CHST11: variants seen among roughly 807,000 people sequenced by gnomAD.
The protein encoded by CHST11 is C4S-1.
Under a neutral mutation model 30.4 loss-of-function variants are expected in CHST11, and 9 were observed. That is an observed-to-expected ratio of 0.30 (90% CI 0.18 to 0.52). CHST11 has a LOEUF of 0.52. CHST11 is among the 20% of genes least tolerant of loss of function. The pLI is 0.97. For missense variants in CHST11, 348 were observed against 460.6 expected (o/e 0.76, Z 2.24); for synonymous variants, 152 against 187.8 (o/e 0.81, Z 1.56).
At chr12:104,517,492 C>T (rs1167768613) in intron 1 of CHST11, among the ~76,000 whole-genome samples, 1 of 152,162 alleles carries the variant, frequency 6.6e-6, no homozygotes, top group Non-Finnish European at 1.5e-5. Flanking sequence ...GAGCTTCTCA[C>T]ACTTAGATGC....
At chr12:104,510,742 C>T (rs1207303270) in intron 1 of CHST11, among the ~76,000 whole-genome samples, 1 of 152,112 alleles carries the variant, frequency 6.6e-6, no homozygotes, top group Non-Finnish European at 1.5e-5. Context: ...TTGAGATGCT[C>T]AGTTAATTTC....
chr12:104,646,519 G>C (rs553589834), intron 2 of CHST11, among the ~76,000 whole-genome samples: 3 of 152,194 alleles, frequency 2.0e-5, no homozygotes, highest in Admixed American at 2.0e-4. Flanking sequence ...GGATCACGAG[G>C]TCAAGAGATC....
intron 1 of CHST11, among the ~76,000 whole-genome samples, chr12:104,523,445 G>A (rs1038213965): frequency 1.3e-5 from 2 of 152,142 alleles, no homozygotes; most frequent in Admixed American, 6.5e-5. Context: ...GGCACTCAAC[G>A]TGTGGCCTCA....
intron 2 of CHST11, among the ~76,000 whole-genome samples, chr12:104,614,333 C>T (rs1782187377): frequency 6.6e-6 from 1 of 152,102 alleles, no homozygotes; most frequent in African/African-American, 2.4e-5. Flanking sequence ...GGGAGGATGA[C>T]AAGAGTTTGA....
chr12:104,494,123 T>C (rs1176914419), intron 1 of CHST11, among the ~76,000 whole-genome samples: 2 of 152,206 alleles, frequency 1.3e-5, no homozygotes, highest in Admixed American at 1.3e-4. Context: ...GATGTCTGTA[T>C]GTGAAGCCAC....
At chr12:104,580,480 G>A (rs2038732356) in intron 1 of CHST11, among the ~76,000 whole-genome samples, 1 of 152,174 alleles carries the variant, frequency 6.6e-6, no homozygotes, top group South Asian at 2.1e-4. Context: ...TGGTAGACAT[G>A]TCGATTATGG....
At chr12:104,485,135 A>G (rs1268084525) in intron 1 of CHST11, among the ~76,000 whole-genome samples, 2 of 152,184 alleles carry the variant, frequency 1.3e-5, no homozygotes, top group African/African-American at 4.8e-5. Flanking sequence ...AGCGGGCCTC[A>G]GAGGTTCATG....
chr12:104,731,223 A>C (rs903401250), intron 2 of CHST11, among the ~76,000 whole-genome samples: 4 of 152,186 alleles, frequency 2.6e-5, no homozygotes, highest in Non-Finnish European at 5.9e-5. Context: ...TGGAGGGTGA[A>C]TGTATCTATC....
intron 1 of CHST11, among the ~76,000 whole-genome samples, chr12:104,537,443 G>A (rs1248798162): frequency 6.6e-6 from 1 of 152,184 alleles, no homozygotes; most frequent in Non-Finnish European, 1.5e-5. Context: ...CCAATGACTT[G>A]GGTTGGAATC....
chr12:104,682,882 A>T, intron 2 of CHST11, among the ~76,000 whole-genome samples: 1 of 152,170 alleles, frequency 6.6e-6, no homozygotes, highest in East Asian at 1.9e-4. Context: ...AGCTACCGTA[A>T]CCGTAGCCAC....
At chr12:104,720,987 C>T (rs2040171446) in intron 2 of CHST11, among the ~76,000 whole-genome samples, 1 of 152,160 alleles carries the variant, frequency 6.6e-6, no homozygotes, top group Non-Finnish European at 1.5e-5. Flanking sequence ...GCAGCGTTTG[C>T]TCCAGGGCCG....
chr12:104,639,590 T>G (rs1307943378), intron 2 of CHST11, among the ~76,000 whole-genome samples: 1 of 152,160 alleles, frequency 6.6e-6, no homozygotes, highest in East Asian at 1.9e-4. Flanking sequence ...AGGAGCAAGG[T>G]GGCCTGAGGC....
chr12:104,728,484 A>T (rs1436468696), intron 2 of CHST11, among the ~76,000 whole-genome samples: 1 of 152,194 alleles, frequency 6.6e-6, no homozygotes, highest in Non-Finnish European at 1.5e-5. Flanking sequence ...CTCTTTAAAA[A>T]GCAAGGGGTT....
chr12:104,554,527 C>T (rs551495383), intron 1 of CHST11, among the ~76,000 whole-genome samples: 3 of 152,154 alleles, frequency 2.0e-5, no homozygotes, highest in African/African-American at 7.2e-5. Context: ...GCTTCCATTT[C>T]CCCAGCTGCG....
chr12:104,479,864 C>T (rs1334467806), intron 1 of CHST11, among the ~76,000 whole-genome samples: 3 of 152,174 alleles, frequency 2.0e-5, no homozygotes. Flanking sequence ...TGGCTCACCA[C>T]CATGTCTGCC....
chr12:104,549,114 C>T lies in CHST11; in HGVS notation c.119-52792C>T, dbSNP rs567118559. On this transcript the variant is annotated intron_variant, in intron 1 of 2. Transcript: ENST00000303694. ...TTGTCAAAATATGATTGCGGTAAAGCGTCCAGAAGTGAAAACTGGAGCCTC... is the reference window on the plus strand; with the variant it reads ...TTGTCAAAATATGATTGCGGTAAAGTGTCCAGAAGTGAAAACTGGAGCCTC... Among the ~76,000 whole-genome samples, 127 of 152,268 alleles carry T rather than the reference C, an allele frequency of 8.3e-4. No homozygotes were observed. In the South Asian group the frequency reaches 9.7e-3, roughly 12 times the overall value.
At chr12:104,709,273 C>T (rs913159206) in intron 2 of CHST11, among the ~76,000 whole-genome samples, 1 of 152,226 alleles carries the variant, frequency 6.6e-6, no homozygotes. Context: ...AGGGTTCGCT[C>T]CAGGGCCTTC....
At chr12:104,558,002 A>G (rs1455606217) in intron 1 of CHST11, among the ~76,000 whole-genome samples, 1 of 152,068 alleles carries the variant, frequency 6.6e-6, no homozygotes, top group Non-Finnish European at 1.5e-5. Context: ...GTGCAGTTCC[A>G]CCCAGGGCCA....
chr12:104,730,682 A>G (rs911814351), intron 2 of CHST11, among the ~76,000 whole-genome samples: 8 of 152,324 alleles, frequency 5.3e-5, no homozygotes, highest in African/African-American at 1.4e-4. Context: ...AGGGAATGGC[A>G]TATGAAAAGT....
Sources: allele counts gnomAD v4.1 joint callset (sites outside exome capture counted in the v4.1 genomes callset), GRCh38; gene constraint gnomAD v4.1.1; transcripts MANE v1.5; gene names NCBI Gene and HGNC (gene_info 2026-07-23, HGNC 2026-07-21).